Variants in CENPP observed in about 807,000 individuals in gnomAD.
CENPP encodes centromere protein P.
A neutral mutation model predicts 35.6 loss-of-function variants in CENPP; 24 were observed. The ratio of observed to expected loss-of-function variants is 0.67; its 90% CI spans 0.49 to 0.95. The LOEUF is 0.95. Among genes scored for constraint, CENPP ranks in the 40% least tolerant of loss-of-function variants. The probability of loss-of-function intolerance (pLI) is 0.00; values close to 1 mark genes in which losing one functional copy is unlikely to be tolerated. For missense variants in CENPP, 332 were observed against 345.3 expected, an observed-to-expected ratio of 0.96 and a Z score of 0.31; for synonymous variants, 120 against 125.5, an observed-to-expected ratio of 0.96 and a Z score of 0.29.
At chr9:92,333,737 T>A (rs527430216) in intron 2 of CENPP, among the ~76,000 whole-genome samples, 1 of 152,334 alleles carries the variant, frequency 6.6e-6, no homozygotes, top group East Asian at 1.9e-4. Context: ...TTGTTTGTTT[T>A]ATTTTTTCGA....
At chr9:92,388,036 T>C (rs1403583434) in intron 5 of CENPP, among the ~76,000 whole-genome samples, 6 of 152,080 alleles carry the variant, frequency 3.9e-5, no homozygotes, top group Non-Finnish European at 8.8e-5. Context: ...AGTGCTAGGA[T>C]TACAGGCATG....
intron 5 of CENPP, among the ~76,000 whole-genome samples, chr9:92,395,394 T>C (rs1842853547): frequency 6.6e-6 from 1 of 152,236 alleles, no homozygotes; most frequent in African/African-American, 2.4e-5. Flanking sequence ...AGTATTCAAT[T>C]GTCTCAATAT....
chr9:92,515,658 G>T (rs148163749), intron 5 of CENPP, among the ~76,000 whole-genome samples: 1 of 152,152 alleles, frequency 6.6e-6, no homozygotes, highest in Non-Finnish European at 1.5e-5. Context: ...AGTGAAACAG[G>T]TGTATATTTT....
intron 5 of CENPP, among the ~76,000 whole-genome samples, chr9:92,581,869 C>G (rs906930821): frequency 1.2e-4 from 18 of 152,108 alleles, no homozygotes; most frequent in Non-Finnish European, 2.5e-4. Context: ...TACAAGGTTG[C>G]TTGAAATTAA....
chr9:92,335,613 G>A (rs1840902100), intron 2 of CENPP, among the ~76,000 whole-genome samples: 1 of 151,426 alleles, frequency 6.6e-6, no homozygotes, highest in East Asian at 1.9e-4. Context: ...TGGATGTTCA[G>A]TTGATCCAGC....
chr9:92,586,758 G>A (rs1850550628), intron 5 of CENPP, among the ~76,000 whole-genome samples: 1 of 152,048 alleles, frequency 6.6e-6, no homozygotes, highest in Non-Finnish European at 1.5e-5. Flanking sequence ...GCTTACCAAT[G>A]AGATATTGTA....
chr9:92,492,281 TAAAAC>T (rs1451288489), intron 5 of CENPP, among the ~76,000 whole-genome samples: 7 of 152,202 alleles, frequency 4.6e-5, no homozygotes, highest in Non-Finnish European at 7.3e-5. Context: ...AAAATAATCT[TAAAAC>T]AAACATTGTC....
intron 5 of CENPP, among the ~76,000 whole-genome samples, chr9:92,449,357 G>C (rs1844636188): frequency 7.0e-6 from 1 of 142,480 alleles, no homozygotes; most frequent in South Asian, 2.3e-4. Context: ...AGAATGGCGT[G>C]AACCCAGGAG....
At chr9:92,541,018 T>C (rs1849305768) in intron 5 of CENPP, among the ~76,000 whole-genome samples, 2 of 150,984 alleles carry the variant, frequency 1.3e-5, no homozygotes, top group East Asian at 4.0e-4. Flanking sequence ...TCCCAGCACT[T>C]TGGGAGGCCG....
Position 92,439,545 on chromosome 9 carries a change from A to T in CENPP, c.564+59686A>T, listed in dbSNP as rs186722819. On this transcript the variant is annotated intron_variant, in intron 5 of 7. Coordinates refer to ENST00000375587, the MANE Select transcript of CENPP (RefSeq NM_001012267.3). The stretch of plus-strand genomic sequence containing the variant: ...TTTCATGAGTTGGTGGTCTTAAGTC[A>T]CCTGTCTCTCTGGAGAATCAGTTTT... Among the ~76,000 whole-genome samples, 502 of 152,242 alleles carry T rather than the reference A, an allele frequency of 3.3e-3. 5 individuals are homozygous for T. The highest frequency in any genetic ancestry group is 0.01 in the Middle Eastern group (3 of 292).
intron 5 of CENPP, among the ~76,000 whole-genome samples, chr9:92,604,512 T>C (rs1351491476): frequency 6.6e-6 from 1 of 152,196 alleles, no homozygotes; most frequent in Non-Finnish European, 1.5e-5. Context: ...CTTTTAAGAG[T>C]AGCAGTTTCT....
intron 5 of CENPP, among the ~76,000 whole-genome samples, chr9:92,393,472 T>A (rs1588090556): frequency 6.6e-6 from 1 of 152,194 alleles, no homozygotes; most frequent in East Asian, 1.9e-4. Context: ...ATTGCTTAAA[T>A]GCTGAATTGA....
rs943494361 is a variant in CENPP, at chr9:92,457,158, AGTG to A, written c.564+77301_564+77303del. On this transcript the variant is annotated intron_variant, in intron 5 of 7. Coordinates refer to ENST00000375587, the MANE Select transcript of CENPP (RefSeq NM_001012267.3). ...GAAATTTCTTGTCATAAAATAAGTC[AGTG>A]GACTTACCACTTGAGAATAGATATT... 3.8e-5 allele frequency: 54 copies of A among 1,425,314 alleles called. 1 individual carries two copies. In the African/African-American group the frequency reaches 6.9e-4, roughly 18 times the overall value. The allele number at this position is 1,425,314 out of a possible 1,614,324, so 88.3% of individuals were successfully genotyped here.
intron 5 of CENPP, among the ~76,000 whole-genome samples, chr9:92,471,664 C>CTTT (rs569488274): frequency 7.4e-6 from 1 of 135,754 alleles, no homozygotes. Flanking sequence ...ATATATTATT[C>CTTT]TTTTTTTTTT....
In CENPP at chr9:92,514,579, A is replaced by G. The variant is rs1417337805; in HGVS notation, c.565-96735A>G. 4 of 1,524,250 alleles carry G rather than the reference A, an allele frequency of 2.6e-6. No individual in the cohort carries two copies. The East Asian group carries it at 6.8e-5, about 26-fold the overall frequency. 94.4% of individuals were successfully genotyped at this position (1,524,250 alleles called of 1,614,324 possible). A position where few individuals can be genotyped will look rare whatever the true frequency, so the allele number is the denominator to read the frequency against. On this transcript the variant is annotated intron_variant, in intron 5 of 7. Coordinates refer to ENST00000375587, the MANE Select transcript of CENPP (RefSeq NM_001012267.3). ...CGTGAGCCACCGTGCCCAGCTGCTA[A>G]GAGTCATTTACTTTTAAAGCACAAA...
intron 4 of CENPP, among the ~76,000 whole-genome samples, chr9:92,371,788 G>A (rs1842009188): frequency 8.3e-6 from 1 of 120,124 alleles, no homozygotes; most frequent in Non-Finnish European, 1.7e-5. Context: ...CTTCTATATT[G>A]GGTGTATATA....
intron 5 of CENPP, among the ~76,000 whole-genome samples, chr9:92,589,388 ATGG>A (rs1368972513): frequency 6.6e-6 from 1 of 151,998 alleles, no homozygotes; most frequent in African/African-American, 2.4e-5. Context: ...AAACTACCAA[ATGG>A]TTTTATAAAA....
At chr9:92,518,335 A>G (rs147222731) in intron 5 of CENPP, among the ~76,000 whole-genome samples, 84 of 152,320 alleles carry the variant, frequency 5.5e-4, no homozygotes, top group Middle Eastern at 3.4e-3. Flanking sequence ...ATGAGCTCTT[A>G]AAGTGTCTAA....
chr9:92,482,830 T>C (rs2131106007), intron 5 of CENPP, among the ~76,000 whole-genome samples: 1 of 152,280 alleles, frequency 6.6e-6, no homozygotes, highest in Non-Finnish European at 1.5e-5. Flanking sequence ...ATACCCAAAC[T>C]TCAGATGTAC....
Sources: gnomAD v4.1 joint callset for allele counts (sites outside exome capture counted in the v4.1 genomes callset) on GRCh38, gnomAD v4.1.1 for gene constraint, MANE v1.5 for transcripts, NCBI Gene and HGNC (gene_info 2026-07-23, HGNC 2026-07-21) for gene names.